Variants in NFATC1 observed in about 807,000 individuals in gnomAD.
The protein encoded by NFATC1 is nuclear factor of activated T-cells, cytoplasmic 1.
Under a neutral mutation model 76.0 loss-of-function variants are expected in NFATC1, and 22 were observed. That is an observed-to-expected ratio of 0.29 (90% confidence interval 0.21 to 0.41). The LOEUF is 0.41. Ranked by LOEUF, NFATC1 falls within the 10% of genes least tolerant of loss-of-function variation. The probability of loss-of-function intolerance (pLI) is 1.00; values close to 1 mark genes in which losing one functional copy is unlikely to be tolerated. For synonymous variants in NFATC1, 704 were observed against 613.1 expected (o/e 1.15, Z -2.19); for missense variants, 1,357 against 1,337.7 (o/e 1.01, Z -0.23).
chr18:79,463,029 T>C (rs930318938), intron 7 of NFATC1, among the ~76,000 whole-genome samples: 2 of 152,190 alleles, frequency 1.3e-5, no homozygotes, highest in South Asian at 4.1e-4. Flanking sequence ...TCCCAAGAGG[T>C]GGCTCTGTCA....
intron 1 of NFATC1, among the ~76,000 whole-genome samples, chr18:79,400,864 TCAGCCATCCTCC>T (rs2085209155): frequency 2.9e-3 from 1 of 344 alleles, no homozygotes; most frequent in Non-Finnish European, 5.6e-3. Flanking sequence ...GACCTCCGCC[TCAGCCATCCTCC>T]TCCCTCCCCC....
chr18:79,484,221 G>A (rs1285326879), intron 8 of NFATC1, among the ~76,000 whole-genome samples: 1 of 152,076 alleles, frequency 6.6e-6, no homozygotes, highest in Non-Finnish European at 1.5e-5. Flanking sequence ...TGCACTCCCC[G>A]AGTTCACTGT....
At chr18:79,420,644 GCA>G (rs2086053919) in intron 2 of NFATC1, among the ~76,000 whole-genome samples, 1 of 151,818 alleles carries the variant, frequency 6.6e-6, no homozygotes, top group African/African-American at 2.4e-5. Flanking sequence ...GCGTTTCCAG[GCA>G]AGGTCGCTGC....
At chr18:79,425,539 C>T (rs531374863) in intron 2 of NFATC1, among the ~76,000 whole-genome samples, 3 of 152,342 alleles carry the variant, frequency 2.0e-5, no homozygotes, top group South Asian at 4.1e-4. Context: ...TGAGCACGTG[C>T]GGGCTTTAAC....
chr18:79,402,868 G>C (rs375378261), intron 1 of NFATC1, among the ~76,000 whole-genome samples: 9 of 152,200 alleles, frequency 5.9e-5, no homozygotes, highest in Non-Finnish European at 4.4e-5. Flanking sequence ...GCTTTTGACG[G>C]GTGATAGAAA....
Position 79,410,267 on chromosome 18 carries a change from CAG to C in NFATC1, c.128-135_128-134del, listed in dbSNP as rs2085617215. Reference sequence around the variant, plus strand: ...CCGGAGCTGTCCGGCAGCGTGGTCTCAGGGACGTTTGCTGAGGCCCGCTCCTT... The same window carrying C: ...CCGGAGCTGTCCGGCAGCGTGGTCTCGGACGTTTGCTGAGGCCCGCTCCTT... On this transcript the variant is annotated intron_variant, in intron 1 of 9. Coordinates refer to ENST00000427363, the MANE Select transcript of NFATC1 (RefSeq NM_001278669.2). This position sits in a 1 kb window ranked among gnomAD's most constrained non-coding sequence, Gnocchi z 6.7. The C allele has an allele frequency of 1.4e-6, 2 of 1,407,412 alleles. No homozygotes were observed. Among genetic ancestry groups the C allele is most frequent in the African/African-American group, 1.4e-5 (1 of 69,856 alleles). The allele number at this position is 1,407,412 out of a possible 1,614,324, so 87.2% of individuals were successfully genotyped here.
At chr18:79,401,274 G>C (rs1725750710) in intron 1 of NFATC1, among the ~76,000 whole-genome samples, 1 of 152,032 alleles carries the variant, frequency 6.6e-6, no homozygotes, top group South Asian at 2.1e-4. Flanking sequence ...GCGCGGAGGT[G>C]AAGCCGGAGG....
At chr18:79,469,526 C>G (rs570176320) in intron 8 of NFATC1, 3 of 985,460 alleles carry the variant, frequency 3.0e-6, no homozygotes, top group Non-Finnish European at 3.6e-6. Context: ...GGCAGCCGGC[C>G]GTCCTGTCCT....
chr18:79,427,393 T>TGGACGGCTGGCCTCTGTGCGGTGGGGA (rs1568947788), intron 2 of NFATC1, among the ~76,000 whole-genome samples: 2 of 69,642 alleles, frequency 2.9e-5, no homozygotes, highest in East Asian at 4.2e-4. Flanking sequence ...TGCAGTGGGT[T>TGGACGGCTGGCCTCTGTGCGGTGGGGA]GGGGGGAGCT....
intron 6 of NFATC1, among the ~76,000 whole-genome samples, chr18:79,457,603 A>G (rs2280053): frequency 0.24 from 36,100 of 152,216 alleles, 5,262 homozygotes; most frequent in African/African-American, 0.4. Flanking sequence ...CTCAAAGTGT[A>G]TAATTCGGTG....
chr18:79,473,400 C>T (rs1017598925), intron 8 of NFATC1, among the ~76,000 whole-genome samples: 8 of 151,774 alleles, frequency 5.3e-5, no homozygotes, highest in Non-Finnish European at 8.9e-5. Context: ...GCGAGGGAAG[C>T]GTGTTCTCAT....
rs979524151 is a variant in NFATC1, at chr18:79,527,907, C to T, written c.*330C>T. ...GACCCCACGCCCAGCCCTTCTGGCA[C>T]CCCTGGGGTTCAATACTGGAAGTGC... is the stretch of plus-strand genomic sequence containing the variant. On this transcript the variant is annotated 3_prime_UTR_variant, in exon 10 of 10. Transcript: ENST00000427363. The T allele has an allele frequency of 1.8e-5, 8 of 446,324 alleles. No homozygotes were observed. Among genetic ancestry groups the T allele is most frequent in the African/African-American group, 1.6e-4 (8 of 51,284 alleles). 27.6% of individuals were successfully genotyped at this position (446,324 alleles called of 1,614,324 possible).
intron 8 of NFATC1, among the ~76,000 whole-genome samples, chr18:79,479,493 C>A (rs1196064992): frequency 1.3e-5 from 2 of 152,232 alleles, no homozygotes; most frequent in East Asian, 3.9e-4. Context: ...TCTCTGAAAC[C>A]CACACAAAAA....
chr18:79,493,056 C>T (rs1012683150), intron 9 of NFATC1, among the ~76,000 whole-genome samples: 3 of 152,102 alleles, frequency 2.0e-5, no homozygotes, highest in Non-Finnish European at 1.5e-5. Flanking sequence ...TCAGACTTCT[C>T]GAGCATGGCC....
intron 2 of NFATC1, among the ~76,000 whole-genome samples, chr18:79,429,563 C>G (rs1278169614): frequency 3.3e-5 from 5 of 152,098 alleles, no homozygotes; most frequent in Non-Finnish European, 7.4e-5. Context: ...CCCCAGGCGT[C>G]GTCCCCCAGA....
chr18:79,514,324 C>T (rs1569046313), intron 9 of NFATC1, among the ~76,000 whole-genome samples: 1 of 151,860 alleles, frequency 6.6e-6, no homozygotes, highest in Non-Finnish European at 1.5e-5. Flanking sequence ...CCTGTGGTCC[C>T]AGCTACTTGA....
At chr18:79,526,956 G>A (rs562230095) in intron 9 of NFATC1, among the ~76,000 whole-genome samples, 130 of 152,334 alleles carry the variant, frequency 8.5e-4, no homozygotes, top group African/African-American at 3.0e-3. Context: ...CTATCTCAGC[G>A]CCCATCAGGG....
At chr18:79,428,539 T>C (rs187330537) in intron 2 of NFATC1, among the ~76,000 whole-genome samples, 1 of 152,178 alleles carries the variant, frequency 6.6e-6, no homozygotes, top group Non-Finnish European at 1.5e-5. Context: ...GTTGGTTGTG[T>C]GGATGTTTGC....
intron 8 of NFATC1, among the ~76,000 whole-genome samples, chr18:79,482,977 G>A (rs1436381381): frequency 1.5e-5 from 2 of 134,956 alleles, no homozygotes; most frequent in Non-Finnish European, 3.2e-5. Flanking sequence ...TTCCTGGGGT[G>A]TAATTCTAGC....
Sources: allele counts gnomAD v4.1 joint callset (sites outside exome capture counted in the v4.1 genomes callset), GRCh38; gene constraint gnomAD v4.1.1; non-coding constraint Gnocchi (gnomAD v3.1); transcripts MANE v1.5; gene names NCBI Gene and HGNC (gene_info 2026-07-23, HGNC 2026-07-21).